Variants in ADAMTS20 observed in about 807,000 individuals in gnomAD.
ADAMTS20 encodes A disintegrin and metalloproteinase with thrombospondin motifs 20.
In ADAMTS20, 225 loss-of-function variants were observed where a neutral mutation model predicts 260.1. The observed-to-expected ratio is 0.87, with a 90% CI of 0.78 to 0.97. The LOEUF (loss-of-function observed/expected upper bound fraction) is 0.97. Among genes scored for constraint, ADAMTS20 ranks in the 50% least tolerant of loss-of-function variants. The pLI, the probability that ADAMTS20 is intolerant of heterozygous loss-of-function variation, is 0.00. For missense variants in ADAMTS20, 2,400 were observed against 2,337.7 expected (o/e 1.03, Z -0.55); for synonymous variants, 802 against 769.5 (o/e 1.04, Z -0.70).
chr12:43,381,932 A>C (rs1384694486), intron 31 of ADAMTS20, among the ~76,000 whole-genome samples: 1 of 152,154 alleles, frequency 6.6e-6, no homozygotes, highest in Non-Finnish European at 1.5e-5. Flanking sequence ...ATACCATTTC[A>C]TACATACTAG....
At chr12:43,452,214 G>A (rs558072948) in intron 14 of ADAMTS20, 60 bp downstream of exon 14, 19 of 1,496,172 alleles carry the variant, frequency 1.3e-5, no homozygotes, top group African/African-American at 7.1e-5. Context: ...TATATAAATC[G>A]AAAAAAAACA....
intron 2 of ADAMTS20, among the ~76,000 whole-genome samples, chr12:43,548,499 T>A (rs1943469987): frequency 6.6e-6 from 1 of 151,776 alleles, no homozygotes; most frequent in Non-Finnish European, 1.5e-5. Flanking sequence ...GAATCTGGTA[T>A]AATTACAAAT....
At chr12:43,477,362 T>G (rs1385495112) in intron 7 of ADAMTS20, among the ~76,000 whole-genome samples, 1 of 152,102 alleles carries the variant, frequency 6.6e-6, no homozygotes, top group Non-Finnish European at 1.5e-5. Flanking sequence ...AAGAAATATA[T>G]TCAGTAGATT....
At chr12:43,526,046 G>C (rs1486813060) in intron 3 of ADAMTS20, among the ~76,000 whole-genome samples, 1 of 152,160 alleles carries the variant, frequency 6.6e-6, no homozygotes, top group Non-Finnish European at 1.5e-5. Flanking sequence ...TATATGTACA[G>C]AATATTCTAC....
chr12:43,500,547 A>G (rs1240575033), intron 4 of ADAMTS20, among the ~76,000 whole-genome samples: 2 of 152,224 alleles, frequency 1.3e-5, no homozygotes, highest in African/African-American at 4.8e-5. Flanking sequence ...CAAATTCAGA[A>G]TTTAAAAAAA....
At chr12:43,393,588 T>A (rs1464459375) in intron 29 of ADAMTS20, among the ~76,000 whole-genome samples, 1 of 152,100 alleles carries the variant, frequency 6.6e-6, no homozygotes, top group Non-Finnish European at 1.5e-5. Context: ...CTCACTCTGC[T>A]ATTTAATAAA....
intron 28 of ADAMTS20, chr12:43,422,800 T>A (rs969600923): frequency 3.4e-4 from 51 of 152,084 alleles, no homozygotes; most frequent in African/African-American, 1.2e-3. Context: ...GATTATTGTT[T>A]TCTTGGTCAT....
rs566071643 is a variant in ADAMTS20 at position 43,453,490 on chromosome 12, A to G, written c.1760+417T>C. On this transcript the variant is annotated intron_variant, in intron 12 of 38. Coordinates refer to ENST00000389420, the MANE Select transcript of ADAMTS20 (RefSeq NM_025003.5). ...AGAAGCAGAGAAAATAAAGTATCACATGTCACAATGCACAAAACGGTAAAA... is the reference window on the plus strand; with the variant it reads ...AGAAGCAGAGAAAATAAAGTATCACGTGTCACAATGCACAAAACGGTAAAA... Among the ~76,000 whole-genome samples, 118 of 152,270 alleles carry G rather than the reference A, an allele frequency of 7.7e-4. 1 individual carries two copies. Among genetic ancestry groups the G allele is most frequent in the African/African-American group, 2.8e-3 (116 of 41,554 alleles).
At position 43,467,907 on chromosome 12, in the gene ADAMTS20, T is replaced by C. The variant is rs536990580; in HGVS notation, c.1223+693A>G. 5.1e-4 allele frequency among the ~76,000 whole-genome samples: 78 copies of C among 152,268 alleles called. 2 individuals are homozygous for C. The highest frequency in any genetic ancestry group is 1.7e-3 in the African/African-American group (72 of 41,568). On this transcript the variant is annotated intron_variant, in intron 8 of 38. Transcript: ENST00000389420. The stretch of plus-strand genomic sequence containing the variant: ...AGGCAACTCTAGACTCAGGTCCTTA[T>C]TAGCAGATAACAAAGAAACACCAGG...
chr12:43,486,870 G>A (rs924915578), intron 7 of ADAMTS20, among the ~76,000 whole-genome samples: 9 of 152,146 alleles, frequency 5.9e-5, no homozygotes, highest in Non-Finnish European at 8.8e-5. Context: ...AAACTACAAT[G>A]AGATACCATC....
chr12:43,432,636 C>CACAAGATGTTGTTTTTTAATAA lies in ADAMTS20; in HGVS notation c.2895_2896insTTATTAAAAAACAACATCTTGT (p.Val966LeufsTer38). The CACAAGATGTTGTTTTTTAATAA allele has an allele frequency of 6.2e-7, 1 of 1,613,906 alleles. No individual in the cohort carries two copies. Among genetic ancestry groups the CACAAGATGTTGTTTTTTAATAA allele is most frequent in the Non-Finnish European group, 8.5e-7 (1 of 1,179,860 alleles). ...TCTGAATAATGCCATCTTGTGAAGA[C>CACAAGATGTTGTTTTTTAATAA]ACAGTTACCATGGCATAGTTCTTGG... On this transcript the variant is annotated frameshift_variant, in exon 20 of 39. Coordinates refer to ENST00000389420, the MANE Select transcript of ADAMTS20 (RefSeq NM_025003.5). LOFTEE classifies it high-confidence loss of function.
intron 14 of ADAMTS20, among the ~76,000 whole-genome samples, chr12:43,447,183 C>T (rs201960195): frequency 2.1e-5 from 3 of 146,056 alleles, no homozygotes; most frequent in Non-Finnish European, 3.0e-5. Context: ...AGAGACACGA[C>T]AAAAAAAAAA....
intron 31 of ADAMTS20, among the ~76,000 whole-genome samples, chr12:43,381,618 CAAA>C (rs142351546): frequency 9.7e-6 from 1 of 102,752 alleles, no homozygotes; most frequent in Non-Finnish European, 1.9e-5. Flanking sequence ...CCCATCTCTA[CAAA>C]AAAAAAAAAA....
chr12:43,501,481 G>GCGCGCGCGCGCACACACACACACACA (rs373746834), intron 4 of ADAMTS20, among the ~76,000 whole-genome samples: 8 of 117,804 alleles, frequency 6.8e-5, no homozygotes, highest in Non-Finnish European at 1.8e-5. Context: ...GCGCGCGCGC[G>GCGCGCGCGCGCACACACACACACACA]CACACACACA....
rs1049815757 is a variant in ADAMTS20, at chr12:43,551,924, T to C, written c.-3A>G. On this transcript the variant is annotated 5_prime_UTR_variant, in exon 1 of 39. Coordinates refer to ENST00000389420, the MANE Select transcript of ADAMTS20 (RefSeq NM_025003.5). The surrounding 1 kb of genome is among the most constrained non-coding windows in gnomAD (Gnocchi z 4.6). Reference sequence around the variant, plus strand: ...GTCAGCCACTTGGCCACCCACATGGTTCCACCCTGGGGACCCCGATCGGGG... The same window carrying C: ...GTCAGCCACTTGGCCACCCACATGGCTCCACCCTGGGGACCCCGATCGGGG... The C allele has an allele frequency of 1.9e-6, 3 of 1,613,200 alleles. No individual in the cohort carries two copies. Among genetic ancestry groups the C allele is most frequent in the Non-Finnish European group, 2.5e-6 (3 of 1,179,568 alleles).
intron 7 of ADAMTS20, 105 bp from the exon 8 acceptor site, chr12:43,468,810 G>C: frequency 1.6e-6 from 1 of 630,476 alleles, no homozygotes; most frequent in South Asian, 2.1e-5. Flanking sequence ...ACTTAGAAAA[G>C]AATGCAGAAT....
chr12:43,464,799 C>T, intron 9 of ADAMTS20, 67 bp from the exon 10 acceptor site: 1 of 1,492,300 alleles, frequency 6.7e-7, no homozygotes, highest in Non-Finnish European at 9.0e-7. Context: ...GATTCTTTAT[C>T]ACATTTTTTG....
At chr12:43,466,404 AAAT>A (rs1942152219) in intron 9 of ADAMTS20, among the ~76,000 whole-genome samples, 1 of 151,562 alleles carries the variant, frequency 6.6e-6, no homozygotes, top group South Asian at 2.1e-4. Context: ...CAGAATAAAA[AAAT>A]AATAGCTAGG....
Position 43,551,897 on chromosome 12 carries a change from C to T in ADAMTS20, c.25G>A (p.Gly9Arg). The T allele has an allele frequency of 4.3e-6, 7 of 1,613,680 alleles. No individual in the cohort carries two copies. The highest frequency in any genetic ancestry group is 5.9e-6 in the Non-Finnish European group (7 of 1,179,728). Residue 9 changes from glycine (G) to arginine (R), a missense_variant, in exon 1 of 39, where the codon GGG becomes AGG. Physicochemically the swap from Gly to Arg is moderately radical, Grantham distance 125 (BLOSUM62 -2). Coordinates refer to ENST00000389420, the MANE Select transcript of ADAMTS20 (RefSeq NM_025003.5). This position sits in a 1 kb window ranked among gnomAD's most constrained non-coding sequence, Gnocchi z 4.6. ...AAGAGCGAGAGATGGTAGAGCAGCC[C>T]AGTCAGCCACTTGGCCACCCACATG... Reference protein sequence around the residue: MWVAKWLTGLLYHLSLFIT... With the variant: MWVAKWLTRLLYHLSLFIT...
Sources: gnomAD v4.1 joint callset for allele counts (sites outside exome capture counted in the v4.1 genomes callset) on GRCh38, gnomAD v4.1.1 for gene constraint, Gnocchi (gnomAD v3.1) non-coding constraint, MANE v1.5 for transcripts, NCBI Gene and HGNC (gene_info 2026-07-23, HGNC 2026-07-21) for gene names.